The following ODAM variants were observed in gnomAD, a reference collection of about 807,000 sequenced individuals.
ODAM encodes the protein odontogenic, ameloblast associated.
ODAM carries 55 observed loss-of-function variants against 48.5 expected under a neutral mutation model. The observed-to-expected ratio is 1.13, with a 90% CI of 0.91 to 1.42. The LOEUF is 1.42. Ranked by LOEUF, ODAM falls within the 40% of genes most tolerant of loss-of-function variation. The pLI is 0.00. For synonymous variants in ODAM, 127 were observed against 107.8 expected (o/e 1.18, Z -1.10); for missense variants, 353 against 323.6 (o/e 1.09, Z -0.70).
chr4:70,199,913 A>G (rs1729460041), intron 6 of ODAM, among the ~76,000 whole-genome samples: 2 of 152,050 alleles, frequency 1.3e-5, no homozygotes, highest in African/African-American at 2.4e-5. Flanking sequence ...ACACAGACAT[A>G]TAAGTAGAAG....
chr4:70,201,481 A>G lies in ODAM; in HGVS notation c.556A>G (p.Ile186Val). Residue 186 changes from isoleucine (I) to valine (V), a missense_variant, in exon 8 of 12, where the codon ATT becomes GTT. Ile to Val is a conservative substitution (Grantham distance 29). Transcript: ENST00000683306. ...QIPFYAQFGYIPQLAEPAISG... is the reference protein window; with the variant it reads ...QIPFYAQFGYVPQLAEPAISG... ...ACCATTCTATGCTCAATTTGGATACATTCCACAACTAGCAGAACCTGTAAG... is the reference window on the plus strand; with the variant it reads ...ACCATTCTATGCTCAATTTGGATACGTTCCACAACTAGCAGAACCTGTAAG... 6.6e-7 allele frequency: 1 copy of G among 1,521,480 alleles called. No homozygotes were observed. Among genetic ancestry groups the G allele is most frequent in the Non-Finnish European group, 9.1e-7 (1 of 1,101,348 alleles). The allele number at this position is 1,521,480 out of a possible 1,614,324, so 94.2% of individuals were successfully genotyped here.
In ODAM at chr4:70,197,368, C is replaced by G. The variant is rs764066845; in HGVS notation, c.141+47C>G. The G allele has an allele frequency of 4.1e-6, 4 of 975,066 alleles. No homozygotes were observed. In the Admixed American group the frequency reaches 7.6e-5, roughly 18 times the overall value. The allele number at this position is 975,066 out of a possible 1,614,324, so 60.4% of individuals were successfully genotyped here. On this transcript the variant is annotated intron_variant, in intron 4 of 11. Transcript: ENST00000683306. ...CTTTATGGGGAATATTTACCTATTGCTCATTTATGTTATTTTGTAAGAAAA... is the reference window on the plus strand; with the variant it reads ...CTTTATGGGGAATATTTACCTATTGGTCATTTATGTTATTTTGTAAGAAAA...
chr4:70,197,893 A>T (rs2109815806), intron 4 of ODAM, 31 bp from the exon 5 acceptor site: 1 of 1,568,054 alleles, frequency 6.4e-7, no homozygotes, highest in East Asian at 2.2e-5. Flanking sequence ...GCATGAAGGG[A>T]ACATGCTTTC....
intron 7 of ODAM, 134 bp downstream of exon 7, chr4:70,200,735 G>GA (rs761211054): frequency 5.3e-6 from 3 of 565,924 alleles, no homozygotes; most frequent in Non-Finnish European, 9.4e-6. Flanking sequence ...GTAGGCATAA[G>GA]AGGGTAGGTA....
intron 6 of ODAM, among the ~76,000 whole-genome samples, chr4:70,199,248 T>C (rs553362389): frequency 1.3e-5 from 2 of 152,166 alleles, no homozygotes; most frequent in East Asian, 3.9e-4. Flanking sequence ...AATTTTACAA[T>C]ATTCTGGGTT....
rs1560485048 is a variant in ODAM, at chr4:70,202,905, C to T, written c.798C>T (p.Leu266=). The T allele has an allele frequency of 1.2e-6, 2 of 1,608,344 alleles. No homozygotes were observed. Among genetic ancestry groups the T allele is most frequent in the South Asian group, 1.1e-5 (1 of 90,410 alleles). The part of the protein sequence containing the change: ...SAVDQTITPE[L]PEEKDKTDSL... Reference sequence around the variant, plus strand: ...TAGACCAAACTATTACCCCAGAGCTCCCAGAAGAGAAGGTAGAGTCATGAA... The same window carrying T: ...TAGACCAAACTATTACCCCAGAGCTTCCAGAAGAGAAGGTAGAGTCATGAA... The change falls in exon 10 of 12, where the codon CTC becomes CTT. Residue 266 remains leucine, a synonymous_variant. Transcript: ENST00000683306.
In ODAM at chr4:70,203,545, A is replaced by T. The variant is rs555525000; in HGVS notation, c.*29+331A>T. Among the ~76,000 whole-genome samples, 118 of 152,040 alleles carry T rather than the reference A, an allele frequency of 7.8e-4. 1 individual carries two copies. Among genetic ancestry groups the T allele is most frequent in the African/African-American group, 2.8e-3 (115 of 41,516 alleles). On this transcript the variant is annotated intron_variant, in intron 11 of 11. Coordinates refer to ENST00000683306, the MANE Select transcript of ODAM (RefSeq NM_017855.4). ...AATCATCATTTCATTTTGCAAGTAA[A>T]CATTGTAATAATTCCAATATATCTG... is the stretch of plus-strand genomic sequence containing the variant.
chr4:70,203,342 T>C (rs1484168742), intron 11 of ODAM, 128 bp downstream of exon 11: 11 of 525,398 alleles, frequency 2.1e-5, no homozygotes, highest in African/African-American at 1.9e-4. Context: ...GTTAGCTATA[T>C]ATACCTATAA....
intron 11 of ODAM, among the ~76,000 whole-genome samples, chr4:70,203,574 T>C (rs2109821721): frequency 6.6e-6 from 1 of 152,022 alleles, no homozygotes; most frequent in African/African-American, 2.4e-5. Context: ...ATATCTGTAT[T>C]AGTTTGAAAT....
chr4:70,198,589 A>C lies in ODAM; in HGVS notation c.386A>C (p.Tyr129Ser), dbSNP rs1247337791. ...TQPGPSHVMP[Y>S]VFSFKMPQEQ... ...TCTTTTTTTTGGCAGGTGATGCCCT[A>C]TGTATTCTCCTTCAAAATGCCTCAA... Residue 129 changes from tyrosine (Y) to serine (S), a missense_variant, in exon 6 of 12, where the codon TAT becomes TCT. Physicochemically the swap from Tyr to Ser is moderately radical, Grantham distance 144. Transcript: ENST00000683306. 6.3e-7 allele frequency: 1 copy of C among 1,598,050 alleles called. No homozygotes were observed. The highest frequency in any genetic ancestry group is 1.4e-5 in the African/African-American group (1 of 73,666).
In ODAM at chr4:70,200,592, T is replaced by C. The variant is rs774748014; in HGVS notation, c.519T>C (p.Tyr173=). 2 of 1,602,130 alleles carry C rather than the reference T, an allele frequency of 1.2e-6. No homozygotes were observed. The change falls in exon 7 of 12, where the codon TAT becomes TAC. Residue 173 remains tyrosine, a synonymous_variant. Transcript: ENST00000683306. ...CTCAACAAACAAGACAGCAACAGTA[T>C]GAGGAGCAGGTACTGCAAATGTTTT... The part of the protein sequence containing the change: ...RSPQQTRQQQ[Y]EEQIPFYAQF...
rs1159369448 is a variant in ODAM at position 70,204,188 on chromosome 4, G to A, written c.*43G>A. The A allele has an allele frequency of 6.6e-6, 1 of 151,842 alleles. No individual in the cohort carries two copies. Among genetic ancestry groups the A allele is most frequent in the Non-Finnish European group, 1.5e-5 (1 of 67,930 alleles). The allele number at this position is 151,842 out of a possible 1,614,324, so 9.4% of individuals were successfully genotyped here. A position where few individuals can be genotyped will look rare whatever the true frequency, so the allele number is the denominator to read the frequency against. The stretch of plus-strand genomic sequence containing the variant: ...TATATTTTTCAGGGAAAAAGATGTG[G>A]CCATGCCTTGGATATAATTTTAGGC... On this transcript the variant is annotated 3_prime_UTR_variant, in exon 12 of 12. Coordinates refer to ENST00000683306, the MANE Select transcript of ODAM (RefSeq NM_017855.4).
chr4:70,197,836 G>A (rs1729405412), intron 4 of ODAM, 88 bp from the exon 5 acceptor site: 1 of 940,116 alleles, frequency 1.1e-6, no homozygotes. Context: ...GAAATTGTTT[G>A]TATTTTGCCT....
chr4:70,198,244 C>T, intron 5 of ODAM, 87 bp downstream of exon 5: 1 of 1,126,698 alleles, frequency 8.9e-7, no homozygotes, highest in Non-Finnish European at 1.3e-6. Context: ...TTGAAATAGG[C>T]AGGGGTTTTT....
rs1427626847 is a variant in ODAM, at chr4:70,196,577, G to A, written c.34G>A (p.Ala12Thr). The A allele has an allele frequency of 2.5e-6, 4 of 1,596,850 alleles. No individual in the cohort carries two copies. In the Admixed American group the frequency reaches 6.7e-5, roughly 27 times the overall value. The change falls in exon 2 of 12, where the codon GCC becomes ACC. Residue 12 changes from alanine (A) to threonine (T), a missense_variant. Physicochemically the swap from Ala to Thr is moderately conservative, Grantham distance 58 (BLOSUM62 0). Transcript: ENST00000683306. Reference protein sequence around the residue: ...KIIILLGFLGATLSAPLIPQR... With the variant: ...KIIILLGFLGTTLSAPLIPQR... ...TATAATTCTTCTTGGATTCCTGGGAGCCACATTGTCAGCCCCAGTAAGTGA... is the reference window on the plus strand; with the variant it reads ...TATAATTCTTCTTGGATTCCTGGGAACCACATTGTCAGCCCCAGTAAGTGA...
chr4:70,200,286 A>C (rs1180042780), intron 6 of ODAM: 6 of 470,204 alleles, frequency 1.3e-5, no homozygotes, highest in Non-Finnish European at 1.9e-5. Flanking sequence ...GTGTTTGCCC[A>C]AGCAACCTTA....
At chr4:70,203,017 TAAG>T in intron 10 of ODAM, 100 bp downstream of exon 10, 1 of 1,364,338 alleles carries the variant, frequency 7.3e-7, no homozygotes, top group Non-Finnish European at 1.0e-6. Context: ...GTCATGAAAT[TAAG>T]AAGATAACTA....
rs933936860 is a variant in ODAM at position 70,204,453 on chromosome 4, A to G, written c.*308A>G. 1 of 152,016 alleles carries G rather than the reference A, an allele frequency of 6.6e-6. No individual in the cohort carries two copies. The highest frequency in any genetic ancestry group is 1.5e-5 in the Non-Finnish European group (1 of 67,960). 9.4% of individuals were successfully genotyped at this position (152,016 alleles called of 1,614,324 possible). A position where few individuals can be genotyped will look rare whatever the true frequency, so the allele number is the denominator to read the frequency against. ...GCTAGTATCATTAAATCAATTGGAT[A>G]ATTGCATTAGTAAATGATGCCTCTG... On this transcript the variant is annotated 3_prime_UTR_variant, in exon 12 of 12. Transcript: ENST00000683306.
chr4:70,200,162 T>C (rs990448627), intron 6 of ODAM: 4 of 423,256 alleles, frequency 9.5e-6, no homozygotes, highest in African/African-American at 2.1e-5. Flanking sequence ...AAGTGCTACA[T>C]AGGCTATCTT....
Sources: gnomAD v4.1 joint callset for allele counts (sites outside exome capture counted in the v4.1 genomes callset) on GRCh38, gnomAD v4.1.1 for gene constraint, MANE v1.5 for transcripts, NCBI Gene and HGNC (gene_info 2026-07-23, HGNC 2026-07-21) for gene names.